DPY19L1: variants seen among roughly 807,000 people sequenced by gnomAD.
DPY19L1 encodes the protein protein C-mannosyl-transferase DPY19L1.
Under a neutral mutation model 96.9 loss-of-function variants are expected in DPY19L1, and 35 were observed. The ratio of observed to expected loss-of-function variants is 0.36; its 90% CI spans 0.28 to 0.48. The LOEUF is 0.48. Ranked by LOEUF, DPY19L1 falls within the 20% of genes least tolerant of loss-of-function variation. The probability of loss-of-function intolerance (pLI) is 0.99; values close to 1 mark genes in which losing one functional copy is unlikely to be tolerated. For missense variants in DPY19L1, 521 were observed against 777.9 expected (o/e 0.67, Z 3.93); for synonymous variants, 205 against 252.6 (o/e 0.81, Z 1.79).
intron 14 of DPY19L1, among the ~76,000 whole-genome samples, chr7:34,949,155 G>T (rs1278041639): frequency 1.3e-5 from 2 of 152,088 alleles, no homozygotes; most frequent in Non-Finnish European, 2.9e-5. Flanking sequence ...ATAAAGTATT[G>T]CAAATTAATA....
intron 6 of DPY19L1, among the ~76,000 whole-genome samples, chr7:34,998,818 T>C (rs1376310870): frequency 2.0e-5 from 3 of 152,138 alleles, no homozygotes; most frequent in African/African-American, 7.2e-5. Flanking sequence ...AAGCTTCCAA[T>C]GTGAAAAATA....
At chr7:34,999,074 A>T (rs558726223) in intron 6 of DPY19L1, among the ~76,000 whole-genome samples, 7 of 152,346 alleles carry the variant, frequency 4.6e-5, no homozygotes, top group African/African-American at 2.4e-5. Context: ...AAATAATACT[A>T]AAAAAAGTTT....
chr7:34,949,742 A>G (rs1461023516), intron 14 of DPY19L1, 55 bp downstream of exon 14: 1 of 1,130,060 alleles, frequency 8.8e-7, no homozygotes, highest in African/African-American at 1.6e-5. Context: ...AGCACTCCTT[A>G]TGAAAAATGT....
At chr7:34,970,857 A>T (rs1248017623) in intron 8 of DPY19L1, among the ~76,000 whole-genome samples, 2 of 152,060 alleles carry the variant, frequency 1.3e-5, no homozygotes, top group African/African-American at 2.4e-5. Flanking sequence ...AAAAAAAAAA[A>T]AAAGCTAAGA....
chr7:34,937,854 G>T, intron 21 of DPY19L1, 140 bp downstream of exon 21: 1 of 859,254 alleles, frequency 1.2e-6, no homozygotes, highest in Non-Finnish European at 1.7e-6. Context: ...GTGAGAGCCT[G>T]TTTAAAAAAA....
At chr7:34,995,322 T>TA (rs34599171) in intron 6 of DPY19L1, among the ~76,000 whole-genome samples, 151 of 147,890 alleles carry the variant, frequency 1.0e-3, no homozygotes, top group Non-Finnish European at 1.7e-3. Context: ...CCCTAGTGGT[T>TA]AAAAAAAAAA....
chr7:34,937,509 T>C (rs560535425), intron 21 of DPY19L1, among the ~76,000 whole-genome samples: 4 of 152,262 alleles, frequency 2.6e-5, no homozygotes, highest in South Asian at 2.1e-4. Flanking sequence ...AAGGCAAATA[T>C]GAACAATTTG....
intron 21 of DPY19L1, 150 bp from the exon 22 acceptor site, chr7:34,931,879 T>G: frequency 8.0e-7 from 1 of 1,247,838 alleles, no homozygotes; most frequent in South Asian, 1.7e-5. Context: ...CTATTTATGT[T>G]TTTATAAGCT....
chr7:34,980,440 A>T (rs1028109054), intron 7 of DPY19L1, among the ~76,000 whole-genome samples: 3 of 151,774 alleles, frequency 2.0e-5, no homozygotes, highest in Non-Finnish European at 4.4e-5. Flanking sequence ...GAAAATTAAG[A>T]ACTTCATCAA....
At chr7:34,981,949 CAAAATAAAAT>C (rs369893182) in intron 7 of DPY19L1, among the ~76,000 whole-genome samples, 5 of 151,898 alleles carry the variant, frequency 3.3e-5, no homozygotes, top group Non-Finnish European at 7.4e-5. Context: ...GACCCTGTCT[CAAAATAAAAT>C]AAAATAAAAT....
upstream of DPY19L1, chr7:35,037,850 C>G (rs1786485992): frequency 2.4e-6 from 3 of 1,233,914 alleles, no homozygotes; most frequent in Non-Finnish European, 2.0e-6. Flanking sequence ...TCGGCCGGTG[C>G]GAGGACGCGG....
intron 7 of DPY19L1, among the ~76,000 whole-genome samples, chr7:34,979,591 A>G (rs147809926): frequency 1.3e-4 from 20 of 152,274 alleles, no homozygotes; most frequent in Non-Finnish European, 2.6e-4. Context: ...TTAGTGTAGT[A>G]ACTTTGAAAC....
chr7:34,988,831 T>C (rs1277170597), intron 7 of DPY19L1, among the ~76,000 whole-genome samples: 1 of 151,080 alleles, frequency 6.6e-6, no homozygotes, highest in Non-Finnish European at 1.5e-5. Context: ...ATTCTGAATT[T>C]ATAGTAGAAT....
chr7:35,006,061 A>T (rs1194420818), intron 6 of DPY19L1, among the ~76,000 whole-genome samples: 1 of 152,172 alleles, frequency 6.6e-6, no homozygotes, highest in Non-Finnish European at 1.5e-5. Context: ...CTTTTATTTC[A>T]GCTAGTCAGA....
intron 1 of DPY19L1, among the ~76,000 whole-genome samples, chr7:35,024,244 G>A (rs1204591609): frequency 6.6e-6 from 1 of 152,122 alleles, no homozygotes; most frequent in African/African-American, 2.4e-5. Context: ...CCTAAAGCAC[G>A]CTAAAGACTT....
In DPY19L1 at chr7:34,987,726, A is replaced by ATAC. The variant is rs1393538827; in HGVS notation, c.822+2157_822+2158insGTA. The stretch of plus-strand genomic sequence containing the variant: ...TACATAAATAGGTACTACCAGAGTA[A>ATAC]ATATTTCTGTCCATAGAAAAAGTAT... On this transcript the variant is annotated intron_variant, in intron 7 of 21. Coordinates refer to ENST00000638088, the MANE Select transcript of DPY19L1 (RefSeq NM_001366673.1). 8.6e-5 allele frequency among the ~76,000 whole-genome samples: 13 copies of ATAC among 152,036 alleles called. No homozygotes were observed. In the South Asian group the frequency reaches 1.2e-3, roughly 15 times the overall value.
chr7:35,001,362 TTTA>T (rs1785422708), intron 6 of DPY19L1, among the ~76,000 whole-genome samples: 1 of 152,348 alleles, frequency 6.6e-6, no homozygotes, highest in Admixed American at 6.5e-5. Context: ...CTTTCAATAT[TTTA>T]TTATTAATTA....
chr7:35,011,812 T>C (rs1313666915), intron 4 of DPY19L1, among the ~76,000 whole-genome samples: 3 of 152,200 alleles, frequency 2.0e-5, no homozygotes, highest in African/African-American at 7.2e-5. Flanking sequence ...CTCAAATTAA[T>C]TCATAAACAT....
intron 11 of DPY19L1, among the ~76,000 whole-genome samples, chr7:34,955,683 G>A (rs186577466): frequency 6.6e-6 from 1 of 152,216 alleles, no homozygotes; most frequent in African/African-American, 2.4e-5. Context: ...CAGAATTTTG[G>A]ACAGTAGTCA....
Sources: gnomAD v4.1 joint callset for allele counts (sites outside exome capture counted in the v4.1 genomes callset) on GRCh38, gnomAD v4.1.1 for gene constraint, MANE v1.5 for transcripts, NCBI Gene and HGNC (gene_info 2026-07-23, HGNC 2026-07-21) for gene names.